The following ACTR3C variants were observed in gnomAD, a reference collection of about 807,000 sequenced individuals.
The protein encoded by ACTR3C is actin related protein 3C, also known as actin-related protein 3C.
ACTR3C carries 18 observed loss-of-function variants against 26.3 expected under a neutral mutation model. The observed-to-expected ratio is 0.68, with a 90% confidence interval of 0.47 to 1.01. The LOEUF (loss-of-function observed/expected upper bound fraction) is 1.01. Among genes scored for constraint, ACTR3C ranks in the 50% least tolerant of loss-of-function variants. ACTR3C has a pLI of 0.00. For synonymous variants in ACTR3C, 55 were observed against 94.5 expected, an observed-to-expected ratio of 0.58 and a Z score of 2.42; for missense variants, 184 against 250.7, an observed-to-expected ratio of 0.73 and a Z score of 1.80.
chr7:150,229,702 G>T, the ACTR3C span, among the ~76,000 whole-genome samples: 8 of 138,458 alleles, frequency 5.8e-5, no homozygotes, highest in Non-Finnish European at 1.2e-4. Flanking sequence ...TCACCATGTT[G>T]GCCAGGCTGG....
chr7:150,305,249 G>C (rs936717766), intron 1 of ACTR3C, among the ~76,000 whole-genome samples: 1 of 152,138 alleles, frequency 6.6e-6, no homozygotes, highest in South Asian at 2.1e-4. Context: ...TTCATGGGTG[G>C]TTTTGACTAT....
the ACTR3C span, among the ~76,000 whole-genome samples, chr7:149,903,885 T>G: frequency 2.5e-5 from 1 of 40,592 alleles, no homozygotes; most frequent in Non-Finnish European, 8.6e-5. Context: ...GTTGTTGTTG[T>G]TGTTGTTTGT....
the ACTR3C span, among the ~76,000 whole-genome samples, chr7:149,924,173 T>C: frequency 0.95 from 141,982 of 149,774 alleles, 67,712 homozygotes; most frequent in East Asian, 1. Flanking sequence ...GTCAGGGGTT[T>C]GAGACCAGCC....
chr7:149,959,851 C>T, the ACTR3C span, among the ~76,000 whole-genome samples: 1 of 152,172 alleles, frequency 6.6e-6, no homozygotes, highest in African/African-American at 2.4e-5. Context: ...CAGGTCATGG[C>T]AGTGTGTTGA....
chr7:150,194,474 T>C, the ACTR3C span, among the ~76,000 whole-genome samples: 1 of 149,222 alleles, frequency 6.7e-6, no homozygotes, highest in Non-Finnish European at 1.5e-5. Context: ...TAAGTTGGAT[T>C]TCTCAAAAAG....
At chr7:150,269,395 C>T (rs1834279516) in intron 6 of ACTR3C, among the ~76,000 whole-genome samples, 1 of 148,194 alleles carries the variant, frequency 6.7e-6, no homozygotes, top group African/African-American at 2.6e-5. Context: ...GGTGCTGGGG[C>T]CTGAAGCAAG....
At chr7:150,202,836 A>G in the ACTR3C span, among the ~76,000 whole-genome samples, 1 of 152,258 alleles carries the variant, frequency 6.6e-6, no homozygotes, top group Admixed American at 6.5e-5. Context: ...ATGGCCACAT[A>G]GCAAAAGTAG....
the ACTR3C span, among the ~76,000 whole-genome samples, chr7:150,227,376 A>G: frequency 6.6e-6 from 1 of 151,406 alleles, no homozygotes; most frequent in East Asian, 1.9e-4. Context: ...TTCCACATAT[A>G]AATGAGATTA....
chr7:150,117,291 G>A, the ACTR3C span, among the ~76,000 whole-genome samples: 18 of 152,324 alleles, frequency 1.2e-4, no homozygotes, highest in South Asian at 8.3e-4. Context: ...CTTGCTCAGC[G>A]GAGCCCATCT....
chr7:150,237,049 G>T, the ACTR3C span, among the ~76,000 whole-genome samples: 2 of 151,716 alleles, frequency 1.3e-5, no homozygotes, highest in Non-Finnish European at 2.9e-5. Flanking sequence ...TCAACAGCCA[G>T]GGGTAGGTGA....
At chr7:149,981,781 T>C in the ACTR3C span, among the ~76,000 whole-genome samples, 1 of 151,816 alleles carries the variant, frequency 6.6e-6, no homozygotes, top group Non-Finnish European at 1.5e-5. Flanking sequence ...GGTCCTTGAG[T>C]TTCTTCTGAG....
the ACTR3C span, among the ~76,000 whole-genome samples, chr7:150,071,848 G>A: frequency 6.6e-6 from 1 of 150,418 alleles, no homozygotes; most frequent in Non-Finnish European, 1.5e-5. Flanking sequence ...TCAGGAATTG[G>A]ATGCAGACGA....
At chr7:149,881,967 G>A in the ACTR3C span, 2 of 152,892 alleles carry the variant, frequency 1.3e-5, no homozygotes, top group African/African-American at 2.4e-5. Flanking sequence ...GGCAGGTGGG[G>A]GGTGAGAAAC....
chr7:149,897,600 T>C, the ACTR3C span, among the ~76,000 whole-genome samples: 1 of 152,254 alleles, frequency 6.6e-6, no homozygotes, highest in East Asian at 1.9e-4. Flanking sequence ...GAGCAGTGGC[T>C]CACGCCTGTA....
intron 6 of ACTR3C, among the ~76,000 whole-genome samples, chr7:150,266,968 A>T (rs1834089301): frequency 6.6e-6 from 1 of 152,230 alleles, no homozygotes; most frequent in African/African-American, 2.4e-5. Flanking sequence ...CATACAACAC[A>T]GCAACTGCAC....
At chr7:150,065,449 G>A in the ACTR3C span, among the ~76,000 whole-genome samples, 1 of 152,112 alleles carries the variant, frequency 6.6e-6, no homozygotes, top group African/African-American at 2.4e-5. Context: ...CTTTATGAAC[G>A]GAGCCTTCAC....
At chr7:150,102,969 A>G in the ACTR3C span, among the ~76,000 whole-genome samples, 4 of 152,016 alleles carry the variant, frequency 2.6e-5, no homozygotes, top group Non-Finnish European at 5.9e-5. Context: ...TGATAAATGC[A>G]TTTGCCTTAT....
the ACTR3C span, among the ~76,000 whole-genome samples, chr7:150,229,629 C>T: frequency 6.6e-6 from 1 of 151,294 alleles, no homozygotes; most frequent in African/African-American, 2.4e-5. Flanking sequence ...GGACTACAGG[C>T]GTGCACCACG....
At chr7:150,166,468 G>C in the ACTR3C span, among the ~76,000 whole-genome samples, 1 of 150,920 alleles carries the variant, frequency 6.6e-6, no homozygotes, top group Non-Finnish European at 1.5e-5. Flanking sequence ...GGAGGCCGAG[G>C]AGGGTAGATC....
Sources: gnomAD v4.1 joint callset for allele counts (sites outside exome capture counted in the v4.1 genomes callset) on GRCh38, gnomAD v4.1.1 for gene constraint, MANE v1.5 for transcripts, NCBI Gene and HGNC (gene_info 2026-07-23, HGNC 2026-07-21) for gene names.